ALK: variants seen among roughly 807,000 people sequenced by gnomAD.
The protein encoded by ALK is ALK tyrosine kinase receptor.
Under a neutral mutation model 163.1 loss-of-function variants are expected in ALK, and 74 were observed. That is an observed-to-expected ratio of 0.45 (90% CI 0.38 to 0.55). The LOEUF is 0.55. Ranked by LOEUF, ALK falls within the 20% of genes least tolerant of loss-of-function variation. ALK has a pLI of 0.00. For synonymous variants in ALK, 960 were observed against 843.2 expected (o/e 1.14, Z -2.40); for missense variants, 2,063 against 2,105.3 (o/e 0.98, Z 0.39).
chr2:29,510,441 AATGATT>A (rs143092334), intron 4 of ALK, among the ~76,000 whole-genome samples: 11,201 of 152,246 alleles, frequency 0.074, 574 homozygotes, highest in Non-Finnish European at 0.11. Flanking sequence ...TTGTTTCTAC[AATGATT>A]ATGAATAGGC....
rs1573131736 is a variant in ALK, at chr2:29,226,981, T to A, written c.3008A>T (p.Lys1003Met). 1 of 1,614,200 alleles carries A rather than the reference T, an allele frequency of 6.2e-7. No homozygotes were observed. The highest frequency in any genetic ancestry group is 1.7e-5 in the Admixed American group (1 of 60,024). The change falls in exon 18 of 29, where the codon AAG (lysine) becomes ATG (methionine). Residue 1003 changes from lysine to methionine, a missense_variant. Transcript: ENST00000389048. ...DECHMDPESH[K>M]VICFCDHGTV... ...CCCGTGGTCACAGAAGCAGATGACC[T>A]TGTGGCTTTCAGGGTCCATGTGACA...
At chr2:29,567,215 T>C (rs979402971) in intron 3 of ALK, among the ~76,000 whole-genome samples, 4 of 152,222 alleles carry the variant, frequency 2.6e-5, no homozygotes, top group African/African-American at 9.6e-5. Flanking sequence ...CTTTTGGTTG[T>C]CTTACTGGGC....
intron 8 of ALK, among the ~76,000 whole-genome samples, chr2:29,310,052 A>G (rs991667449): frequency 3.3e-5 from 5 of 152,194 alleles, no homozygotes; most frequent in Admixed American, 2.0e-4. Context: ...GCAGCAACTA[A>G]AACAGGTTTT....
At chr2:29,539,505 A>G (rs1479601949) in intron 3 of ALK, among the ~76,000 whole-genome samples, 1 of 152,094 alleles carries the variant, frequency 6.6e-6, no homozygotes, top group Non-Finnish European at 1.5e-5. Context: ...TTATTGTTTT[A>G]CTTTGATTAT....
At chr2:29,714,425 T>TG (rs1679190901) in intron 2 of ALK, among the ~76,000 whole-genome samples, 1 of 152,148 alleles carries the variant, frequency 6.6e-6, no homozygotes, top group Non-Finnish European at 1.5e-5. Flanking sequence ...AATTACAGAC[T>TG]GGGGGTGAAT....
At position 29,920,681 on chromosome 2, in the gene ALK, C is replaced by G. The variant is rs749784562; in HGVS notation, c.-22G>C. The G allele has an allele frequency of 1.2e-5, 18 of 1,529,558 alleles. No homozygotes were observed. The South Asian group carries it at 2.1e-4, about 18-fold the overall frequency. 94.7% of individuals were successfully genotyped at this position (1,529,558 alleles called of 1,614,324 possible). The stretch of plus-strand genomic sequence containing the variant: ...CCATCCCGCCGGAGGAGGCCGTTTA[C>G]ACTGCTCTCCGGGCCCAGCCTCACC... On this transcript the variant is annotated 5_prime_UTR_variant, in exon 1 of 29. Coordinates refer to ENST00000389048, the MANE Select transcript of ALK (RefSeq NM_004304.5).
chr2:29,717,909 T>G (rs955685891), intron 1 of ALK, among the ~76,000 whole-genome samples: 2 of 152,220 alleles, frequency 1.3e-5, no homozygotes, highest in African/African-American at 4.8e-5. Context: ...CTAAGAGGTC[T>G]GAATGTTCTG....
At chr2:29,821,803 T>A (rs975733759) in intron 1 of ALK, among the ~76,000 whole-genome samples, 1 of 152,176 alleles carries the variant, frequency 6.6e-6, no homozygotes, top group Non-Finnish European at 1.5e-5. Flanking sequence ...ATCTCCTGCC[T>A]GCCAGCCAGG....
At chr2:29,717,189 A>AAAAGAG (rs748391050) in intron 2 of ALK, among the ~76,000 whole-genome samples, 1 of 142,788 alleles carries the variant, frequency 7.0e-6, no homozygotes, top group African/African-American at 2.8e-5. Flanking sequence ...AAAAAAAAAA[A>AAAAGAG]AGAGAGAGAG....
rs72792456 is a variant in ALK, at chr2:29,410,424, C to T, written c.1155-26565G>A. Among the ~76,000 whole-genome samples, 1,061 of 152,302 alleles carry T rather than the reference C, an allele frequency of 7.0e-3. 5 individuals are homozygous for T. Among genetic ancestry groups the T allele is most frequent in the Non-Finnish European group, 0.011 (764 of 68,014 alleles). On this transcript the variant is annotated intron_variant, in intron 4 of 28. Coordinates refer to ENST00000389048, the MANE Select transcript of ALK (RefSeq NM_004304.5). The stretch of plus-strand genomic sequence containing the variant: ...CTAGACTGAACCTATGTACTTTTTA[C>T]GTATATTGATTGATGTGTCATGTCT...
intron 1 of ALK, among the ~76,000 whole-genome samples, chr2:29,808,515 T>A (rs985739317): frequency 6.6e-6 from 1 of 152,192 alleles, no homozygotes; most frequent in Non-Finnish European, 1.5e-5. Context: ...CTCATTTTTC[T>A]TCCATCAATT....
At chr2:29,695,494 A>T (rs759511934) in intron 2 of ALK, among the ~76,000 whole-genome samples, 2 of 152,204 alleles carry the variant, frequency 1.3e-5, no homozygotes, top group Non-Finnish European at 2.9e-5. Context: ...TTGCCGTAAG[A>T]ACTGGTGGTA....
At chr2:29,307,727 T>C (rs1666564476) in intron 8 of ALK, among the ~76,000 whole-genome samples, 1 of 152,194 alleles carries the variant, frequency 6.6e-6, no homozygotes, top group Admixed American at 6.5e-5. Flanking sequence ...ATAAATAGCC[T>C]AATGACAAAT....
At chr2:29,364,964 A>C (rs539234078) in intron 5 of ALK, among the ~76,000 whole-genome samples, 3 of 152,340 alleles carry the variant, frequency 2.0e-5, no homozygotes, top group African/African-American at 7.2e-5. Flanking sequence ...AGTGTGTTAC[A>C]TAGGTTGTCT....
chr2:29,375,401 C>T (rs1573294832), intron 5 of ALK, among the ~76,000 whole-genome samples: 1 of 152,316 alleles, frequency 6.6e-6, no homozygotes, highest in South Asian at 2.1e-4. Context: ...TCACTGCAAG[C>T]TCTGCCTCCC....
intron 4 of ALK, among the ~76,000 whole-genome samples, chr2:29,448,618 C>T (rs1250631991): frequency 6.6e-6 from 1 of 152,134 alleles, no homozygotes. Flanking sequence ...GAGTCAGCCC[C>T]ACTATAAGTC....
At chr2:29,458,641 T>C (rs1261478947) in intron 4 of ALK, among the ~76,000 whole-genome samples, 1 of 152,182 alleles carries the variant, frequency 6.6e-6, no homozygotes, top group African/African-American at 2.4e-5. Context: ...GTTTCAATGA[T>C]GTCTATCACA....
At chr2:29,605,602 T>G (rs1675521640) in intron 3 of ALK, among the ~76,000 whole-genome samples, 1 of 152,144 alleles carries the variant, frequency 6.6e-6, no homozygotes, top group Admixed American at 6.5e-5. Flanking sequence ...GAGCTTTGTC[T>G]CTTTCTTCCA....
At chr2:29,308,226 G>A (rs891173106) in intron 8 of ALK, among the ~76,000 whole-genome samples, 3 of 152,072 alleles carry the variant, frequency 2.0e-5, no homozygotes, top group South Asian at 2.1e-4. Context: ...ATAAGACACA[G>A]GATGTTTATA....
Sources: allele counts gnomAD v4.1 joint callset (sites outside exome capture counted in the v4.1 genomes callset), GRCh38; gene constraint gnomAD v4.1.1; transcripts MANE v1.5; gene names NCBI Gene and HGNC (gene_info 2026-07-23, HGNC 2026-07-21).